Variants in RERE observed in about 807,000 individuals in gnomAD.
The protein encoded by RERE is arginine-glutamic acid dipeptide repeats protein.
Under a neutral mutation model 146.1 loss-of-function variants are expected in RERE, and 40 were observed. That is an observed-to-expected ratio of 0.27 (90% confidence interval 0.21 to 0.36). The LOEUF is 0.36. Among genes scored for constraint, RERE ranks in the 10% least tolerant of loss-of-function variants. RERE has a pLI of 1.00. For missense variants in RERE, 1,933 were observed against 2,138.7 expected (o/e 0.90, Z 1.90); for synonymous variants, 1,003 against 866.0 (o/e 1.16, Z -2.78).
rs1350757862 is a variant in RERE at position 8,497,407 on chromosome 1, T to G, written c.1002A>C (p.Ala334=). 2.5e-5 allele frequency: 40 copies of G among 1,614,030 alleles called. No homozygotes were observed. Among genetic ancestry groups the G allele is most frequent in the Non-Finnish European group, 3.3e-5 (39 of 1,180,014 alleles). The change falls in exon 9 of 23, where the codon GCA becomes GCC. Residue 334 remains alanine, a splice_region_variant and synonymous_variant. Transcript: ENST00000400908. ...DCDLLMYLRA[A]RSMAAFAGMC... Reference sequence around the variant, plus strand: ...GGATGGGGGTAGATTCCTATTACCTTGCTGCCCTCAAGTACATAAGGAGGT... The same window carrying G: ...GGATGGGGGTAGATTCCTATTACCTGGCTGCCCTCAAGTACATAAGGAGGT...
intron 1 of RERE, among the ~76,000 whole-genome samples, chr1:8,778,829 A>G (rs1641114624): frequency 1.3e-5 from 2 of 152,096 alleles, no homozygotes; most frequent in Admixed American, 1.3e-4. Flanking sequence ...AAAAAAAGAA[A>G]AAGAAAATAC....
intron 8 of RERE, among the ~76,000 whole-genome samples, chr1:8,503,127 T>TAAATA (rs1553176592): frequency 9.7e-5 from 14 of 143,780 alleles, no homozygotes; most frequent in African/African-American, 3.6e-4. Flanking sequence ...AATAAATAAA[T>TAAATA]AAAAAAGAAT....
intron 12 of RERE, 108 bp downstream of exon 12, chr1:8,422,619 C>T: frequency 1.3e-6 from 1 of 794,680 alleles, no homozygotes; most frequent in Non-Finnish European, 2.2e-6. Flanking sequence ...CAGCCCGAGT[C>T]TGAGCACAGC....
At chr1:8,618,114 C>CAAA (rs1333748625) in intron 3 of RERE, among the ~76,000 whole-genome samples, 3 of 152,182 alleles carry the variant, frequency 2.0e-5, no homozygotes, top group African/African-American at 7.2e-5. Context: ...GTGGACATTA[C>CAAA]AGCCAGCCAA....
chr1:8,721,314 T>A (rs1208960818), intron 1 of RERE, among the ~76,000 whole-genome samples: 1 of 152,016 alleles, frequency 6.6e-6, no homozygotes, highest in South Asian at 2.1e-4. Context: ...TCAAGACTTT[T>A]TTATTATTAT....
chr1:8,590,212 G>A (rs1339554988), intron 4 of RERE, among the ~76,000 whole-genome samples: 1 of 152,122 alleles, frequency 6.6e-6, no homozygotes, highest in Non-Finnish European at 1.5e-5. Context: ...TGAAAACTGA[G>A]CAGTATCTTA....
At chr1:8,715,427 C>T (rs1490433908) in intron 1 of RERE, among the ~76,000 whole-genome samples, 1 of 151,906 alleles carries the variant, frequency 6.6e-6, no homozygotes, top group African/African-American at 2.4e-5. Context: ...AGGAGAATCG[C>T]TTGAACCCAG....
intron 4 of RERE, among the ~76,000 whole-genome samples, chr1:8,584,340 T>C (rs1434907278): frequency 6.6e-6 from 1 of 151,856 alleles, no homozygotes; most frequent in East Asian, 1.9e-4. Flanking sequence ...AGGACAGGAG[T>C]TCGAGACCAG....
chr1:8,447,464 T>C (rs1450988701), intron 11 of RERE, among the ~76,000 whole-genome samples: 2 of 152,236 alleles, frequency 1.3e-5, no homozygotes, highest in Non-Finnish European at 2.9e-5. Flanking sequence ...GTTGGTGACC[T>C]TCAGATGGGG....
rs550356849 is a variant in RERE at position 8,442,325 on chromosome 1, A to C, written c.1204-19518T>G. 1.1e-4 allele frequency among the ~76,000 whole-genome samples: 16 copies of C among 151,338 alleles called. No homozygotes were observed. In the East Asian group the frequency reaches 3.1e-3, roughly 29 times the overall value. ...GGAACCTGGGAAGCAGACGTTGCAC[A>C]GTGGACCAAGATGGTGCCGCCACTG... is the stretch of plus-strand genomic sequence containing the variant. On this transcript the variant is annotated intron_variant, in intron 11 of 22. Coordinates refer to ENST00000400908, the MANE Select transcript of RERE (RefSeq NM_001042681.2).
intron 12 of RERE, among the ~76,000 whole-genome samples, chr1:8,373,402 A>G (rs1051029790): frequency 6.6e-6 from 1 of 152,158 alleles, no homozygotes; most frequent in Non-Finnish European, 1.5e-5. Context: ...GGATGAAGAA[A>G]TCCACCCCTT....
intron 11 of RERE, among the ~76,000 whole-genome samples, chr1:8,453,624 G>A (rs1001090946): frequency 3.5e-4 from 54 of 152,238 alleles, no homozygotes; most frequent in African/African-American, 1.3e-3. Flanking sequence ...TGGCTAACAT[G>A]GTGAAACCCT....
intron 8 of RERE, among the ~76,000 whole-genome samples, chr1:8,502,365 C>T (rs1208107987): frequency 2.4e-4 from 29 of 119,476 alleles, no homozygotes; most frequent in African/African-American, 7.8e-4. Context: ...CCCGGCCAGC[C>T]GCCCTATCCA....
intron 3 of RERE, among the ~76,000 whole-genome samples, chr1:8,615,044 AG>A (rs1646835132): frequency 6.6e-6 from 1 of 152,252 alleles, no homozygotes; most frequent in African/African-American, 2.4e-5. Context: ...CAATGGTGTC[AG>A]ATACAACCGT....
chr1:8,773,701 A>AT (rs1337964529), intron 1 of RERE, among the ~76,000 whole-genome samples: 11 of 152,072 alleles, frequency 7.2e-5, no homozygotes, highest in Admixed American at 2.0e-4. Context: ...GTGCGCATCT[A>AT]TAATACCAGC....
intron 4 of RERE, among the ~76,000 whole-genome samples, chr1:8,576,329 C>T (rs1383680938): frequency 6.6e-6 from 1 of 152,000 alleles, no homozygotes; most frequent in Non-Finnish European, 1.5e-5. Context: ...AATATGTAAC[C>T]ATAGGCAGTG....
intron 10 of RERE, among the ~76,000 whole-genome samples, chr1:8,468,574 T>C (rs1206792975): frequency 6.6e-6 from 1 of 152,232 alleles, no homozygotes; most frequent in East Asian, 1.9e-4. Context: ...GAGGTAATTA[T>C]ACTGTATGGG....
In RERE at chr1:8,356,463, T is replaced by C. The variant is rs965340044; in HGVS notation, c.4340-217A>G. 6.6e-6 allele frequency among the ~76,000 whole-genome samples: 1 copy of C among 152,086 alleles called. No homozygotes were observed. The highest frequency in any genetic ancestry group is 2.4e-5 in the African/African-American group (1 of 41,406). ...CCGAGAGAAGTGACGAGCCCACCGC[T>C]GATGCAGGCACTCCCTCGTCCGCTT... On this transcript the variant is annotated intron_variant, in intron 20 of 22. Transcript: ENST00000400908. This position sits in a 1 kb window ranked among gnomAD's most constrained non-coding sequence, Gnocchi z 5.2.
At chr1:8,452,114 T>G (rs1557639046) in intron 11 of RERE, among the ~76,000 whole-genome samples, 2 of 152,124 alleles carry the variant, frequency 1.3e-5, no homozygotes, top group Non-Finnish European at 2.9e-5. Context: ...CTCTGTCAAC[T>G]CTGCCCGGTG....
Sources: allele counts gnomAD v4.1 joint callset (sites outside exome capture counted in the v4.1 genomes callset), GRCh38; gene constraint gnomAD v4.1.1; non-coding constraint Gnocchi (gnomAD v3.1); transcripts MANE v1.5; gene names NCBI Gene and HGNC (gene_info 2026-07-23, HGNC 2026-07-21).